HUWE1: variants seen among roughly 807,000 people sequenced by gnomAD.
The protein encoded by HUWE1 is E3 ubiquitin-protein ligase HUWE1.
HUWE1 carries 18 observed loss-of-function variants against 299.4 expected under a neutral mutation model. That is an observed-to-expected ratio of 0.06 (90% CI 0.04 to 0.09). The LOEUF (loss-of-function observed/expected upper bound fraction) is 0.09. HUWE1 is among the 10% of genes least tolerant of loss of function. The probability of loss-of-function intolerance (pLI) is 1.00; values close to 1 mark genes in which losing one functional copy is unlikely to be tolerated. For missense variants in HUWE1, 1,832 were observed against 3,462.3 expected (o/e 0.53, Z 11.82); for synonymous variants, 1,317 against 1,286.1 (o/e 1.02, Z -0.51).
intron 15 of HUWE1, 89 bp downstream of exon 15, chrX:53,628,404 T>C: frequency 1.0e-6 from 1 of 954,747 alleles, no homozygotes; most frequent in African/African-American, 2.0e-5. Flanking sequence ...TTATTTGCCC[T>C]CACTGTGAAA....
chrX:53,596,969 CT>C, intron 29 of HUWE1, among the ~76,000 whole-genome samples: 1 of 112,446 alleles, frequency 8.9e-6, no homozygotes, highest in East Asian at 2.8e-4. Flanking sequence ...AAACCTTGCA[CT>C]TTTGTGAAAT....
chrX:53,653,062 G>A (rs782179310), intron 4 of HUWE1, among the ~76,000 whole-genome samples: 27 of 111,978 alleles, frequency 2.4e-4, no homozygotes, highest in Non-Finnish European at 3.4e-4. Context: ...TGGGAGCATC[G>A]CTTGAGCTGG....
intron 3 of HUWE1, among the ~76,000 whole-genome samples, chrX:53,662,036 T>C (rs951156985): frequency 3.6e-5 from 4 of 112,145 alleles, no homozygotes; most frequent in African/African-American, 6.5e-5. Context: ...TTCCCAAATC[T>C]GGCTCAAGAG....
rs782124977 is a variant in HUWE1 at position 53,535,360 on chromosome X, G to T, written c.12649+24C>A. 8.2e-6 allele frequency: 8 copies of T among 970,180 alleles called. No individual in the cohort carries two copies. The South Asian group carries it at 1.5e-4, about 19-fold the overall frequency. 80.0% of individuals were successfully genotyped at this position (970,180 alleles called of 1,213,427 possible). ...GACCTCTTCTCATATTGAGCAACTA[G>T]AGGTCTAGGAACATTTCCCCTACCT... On this transcript the variant is annotated intron_variant, in intron 81 of 83. Transcript: ENST00000262854.
chrX:53,540,125 G>T (rs184053385), intron 74 of HUWE1, among the ~76,000 whole-genome samples: 272 of 112,364 alleles, frequency 2.4e-3, no homozygotes, highest in African/African-American at 8.4e-3. Context: ...AGTTTCAAGA[G>T]AATCTGTGGA....
chrX:53,601,049 A>G (rs1021548761), intron 28 of HUWE1, among the ~76,000 whole-genome samples: 4 of 111,814 alleles, frequency 3.6e-5, no homozygotes, highest in Admixed American at 2.8e-4. Context: ...TAGTTTATTA[A>G]TGTTATCCCA....
At chrX:53,647,340 A>T in intron 6 of HUWE1, 28 bp downstream of exon 6, 1 of 1,042,909 alleles carries the variant, frequency 9.6e-7, no homozygotes, top group Non-Finnish European at 1.3e-6. Flanking sequence ...AGTCAAGAAC[A>T]GGGTACACAG....
In HUWE1 at chrX:53,593,415, G is replaced by T; in HGVS notation, c.3690C>A (p.Val1230=). 1 of 1,210,845 alleles carries T rather than the reference G, an allele frequency of 8.3e-7. No individual in the cohort carries two copies. The highest frequency in any genetic ancestry group is 1.8e-5 in the South Asian group (1 of 56,968). ...HSLPAKLPGG[V]QNFPQFSALR... is the part of the protein sequence containing the mutation. ...GTGCACTGAACTGGGGAAAGTTCTG[G>T]ACACCTCCAGGCAATTTGGCAGGCA... Residue 1230 remains valine, a synonymous_variant, in exon 32 of 84, where the codon GTC becomes GTA. Coordinates refer to ENST00000262854, the MANE Select transcript of HUWE1 (RefSeq NM_031407.7).
intron 34 of HUWE1, among the ~76,000 whole-genome samples, chrX:53,590,766 T>C (rs1425320978): frequency 8.9e-6 from 1 of 112,448 alleles, no homozygotes; most frequent in Non-Finnish European, 1.9e-5. Flanking sequence ...TAGAAAAGTG[T>C]GCCTCTTCTA....
intron 29 of HUWE1, among the ~76,000 whole-genome samples, chrX:53,596,649 T>G (rs1475852487): frequency 8.9e-6 from 1 of 112,064 alleles, no homozygotes; most frequent in Non-Finnish European, 1.9e-5. Context: ...CATGAACAGT[T>G]CATCTCTCCA....
At position 53,536,228 on chromosome X, in the gene HUWE1, A is replaced by G. The variant is rs782459306; in HGVS notation, c.12450T>C (p.Asp4150=). 1 of 1,192,565 alleles carries G rather than the reference A, an allele frequency of 8.4e-7. No homozygotes were observed. Among genetic ancestry groups the G allele is most frequent in the Non-Finnish European group, 1.1e-6 (1 of 878,371 alleles). The part of the protein sequence containing the change: ...SVRYTDMESE[D]YHFYQGLVYL... Reference sequence around the variant, plus strand: ...AAACCAGACCTTGGTAGAAGTGGTAATCTTCACTCTCCATATCTGTATATC... The same window carrying G: ...AAACCAGACCTTGGTAGAAGTGGTAGTCTTCACTCTCCATATCTGTATATC... The change falls in exon 80 of 84, where the codon GAT becomes GAC. Residue 4150 remains aspartate (D), a synonymous_variant. Transcript: ENST00000262854.
At position 53,554,907 on chromosome X, in the gene HUWE1, C is replaced by A. The variant is rs1556932935; in HGVS notation, c.8220G>T (p.Met2740Ile). ...TEQNLSDGTP[M>I]PDSYPTTPSS... Reference sequence around the variant, plus strand: ...ATGGGGTTGTTGGGTAGCTGTCAGGCATAGGCGTCCCATCTTTCTCGGAAA... The same window carrying A: ...ATGGGGTTGTTGGGTAGCTGTCAGGAATAGGCGTCCCATCTTTCTCGGAAA... The change falls in exon 61 of 84, where the codon ATG becomes ATT. Residue 2740 changes from methionine to isoleucine, a missense_variant. This residue lies in a region of HUWE1 where 143 missense variants were observed against 148.1 expected (regional missense o/e 0.97). Coordinates refer to ENST00000262854, the MANE Select transcript of HUWE1 (RefSeq NM_031407.7). 54 of 1,168,693 alleles carry A rather than the reference C, an allele frequency of 4.6e-5. No homozygotes were observed. Among genetic ancestry groups the A allele is most frequent in the Non-Finnish European group, 5.6e-5 (49 of 873,179 alleles).
Position 53,544,565 on chromosome X carries a change from C to T in HUWE1, c.11246G>A (p.Arg3749Lys). The T allele has an allele frequency of 8.3e-7, 1 of 1,205,340 alleles. No individual in the cohort carries two copies. Among genetic ancestry groups the T allele is most frequent in the East Asian group, 3.0e-5 (1 of 33,764 alleles). ...RANKKAKQTG[R>K]LGSSGLGSAS... ...TGGACACTCTAGTTCCATACCTAGC[C>T]TGCCTGTCTGCTTGGCTTTCTTGTT... The change falls in exon 72 of 84, where the codon AGG becomes AAG. Residue 3749 changes from arginine to lysine, a missense_variant. Physicochemically the swap from Arg to Lys is conservative, Grantham distance 26 (BLOSUM62 2). Around this residue, in one of 15 missense-constraint regions of HUWE1, gnomAD observed 41 missense variants for 124.0 expected, o/e 0.33. Transcript: ENST00000262854.
At chrX:53,656,589 G>A (rs868918915) in intron 3 of HUWE1, among the ~76,000 whole-genome samples, 1 of 105,805 alleles carries the variant, frequency 9.5e-6, no homozygotes. Flanking sequence ...AATACATGGA[G>A]AGATCTAAGA....
At chrX:53,594,011 G>A (rs1467819952) in intron 31 of HUWE1, among the ~76,000 whole-genome samples, 1 of 110,826 alleles carries the variant, frequency 9.0e-6, no homozygotes, top group African/African-American at 3.3e-5. Context: ...ACAGGAGAAT[G>A]GCATGAACCC....
At chrX:53,533,435 T>A (rs188746871) in intron 83 of HUWE1, 24 bp from the exon 84 acceptor site, 3 of 1,067,551 alleles carry the variant, frequency 2.8e-6, no homozygotes, top group Non-Finnish European at 3.9e-6. Flanking sequence ...AAAGATCAGT[T>A]TGTGGTGAGG....
intron 25 of HUWE1, among the ~76,000 whole-genome samples, chrX:53,607,267 C>A: frequency 9.0e-6 from 1 of 111,672 alleles, no homozygotes; most frequent in Non-Finnish European, 1.9e-5. Context: ...CTTGGAGATA[C>A]ACTTTTCCCT....
At chrX:53,608,984 G>T in intron 23 of HUWE1, 75 bp from the exon 24 acceptor site, 1 of 628,405 alleles carries the variant, frequency 1.6e-6, no homozygotes, top group Non-Finnish European at 2.7e-6. Context: ...AGGAGGCACT[G>T]TATAAAATTC....
chrX:53,654,258 T>C, intron 3 of HUWE1, 127 bp from the exon 4 acceptor site: 1 of 493,573 alleles, frequency 2.0e-6, no homozygotes, highest in Non-Finnish European at 3.6e-6. Flanking sequence ...ACTGGAGTTA[T>C]GATGCTATGC....
Sources: allele counts gnomAD v4.1 joint callset (sites outside exome capture counted in the v4.1 genomes callset), GRCh38; gene constraint gnomAD v4.1.1; regional missense constraint gnomAD v4.1.1; transcripts MANE v1.5; gene names NCBI Gene and HGNC (gene_info 2026-07-23, HGNC 2026-07-21).